Variants in ROBO1 observed in about 807,000 individuals in gnomAD.
ROBO1 encodes the protein roundabout guidance receptor 1.
A neutral mutation model predicts 195.9 loss-of-function variants in ROBO1; 149 were observed. The observed-to-expected ratio is 0.76, with a 90% CI of 0.67 to 0.87. The LOEUF is 0.87. ROBO1 is among the 40% of genes least tolerant of loss of function. ROBO1 has a pLI of 0.00. For synonymous variants in ROBO1, 816 were observed against 733.2 expected, an observed-to-expected ratio of 1.11 and a Z score of -1.82; for missense variants, 1,933 against 2,068.3, an observed-to-expected ratio of 0.93 and a Z score of 1.27.
At chr3:78,699,266 C>A (rs957050798) in intron 8 of ROBO1, among the ~76,000 whole-genome samples, 3 of 151,860 alleles carry the variant, frequency 2.0e-5, no homozygotes, top group Non-Finnish European at 4.4e-5. Context: ...AAAGGCTAGG[C>A]GCAGTGGCTC....
chr3:78,850,456 T>C (rs2033982271), intron 4 of ROBO1, among the ~76,000 whole-genome samples: 1 of 152,176 alleles, frequency 6.6e-6, no homozygotes, highest in African/African-American at 2.4e-5. Context: ...ATAATGGTTA[T>C]AAACAAGAAA....
chr3:78,971,209 T>C (rs188849620), intron 3 of ROBO1, among the ~76,000 whole-genome samples: 21 of 152,124 alleles, frequency 1.4e-4, no homozygotes, highest in African/African-American at 3.9e-4. Context: ...CTGGCCAACA[T>C]TGTGAAACCT....
Position 78,598,781 on chromosome 3 carries a change from TAAG to T in ROBO1, c.*129_*131del. 4 of 546,186 alleles carry T rather than the reference TAAG, an allele frequency of 7.3e-6. No homozygotes were observed. In the Admixed American group the frequency reaches 1.1e-4, roughly 16 times the overall value. The allele number at this position is 546,186 out of a possible 1,614,324, so 33.8% of individuals were successfully genotyped here. A position where few individuals can be genotyped will look rare whatever the true frequency, so the allele number is the denominator to read the frequency against. On this transcript the variant is annotated 3_prime_UTR_variant, in exon 31 of 31. Transcript: ENST00000464233. Reference sequence around the variant, plus strand: ...TAAAGTTTTTAAAATGATATCCCAATAAGAGGAATAAAAACGACAATTTGTACA... The same window carrying T: ...TAAAGTTTTTAAAATGATATCCCAATAGGAATAAAAACGACAATTTGTACA...
chr3:79,442,682 C>T (rs943185133), intron 2 of ROBO1, among the ~76,000 whole-genome samples: 3 of 152,020 alleles, frequency 2.0e-5, no homozygotes, highest in African/African-American at 7.3e-5. Flanking sequence ...TAAGGAGATA[C>T]AAAAGGACCA....
intron 3 of ROBO1, among the ~76,000 whole-genome samples, chr3:79,079,684 T>G (rs2079236512): frequency 6.6e-6 from 1 of 151,596 alleles, no homozygotes; most frequent in Non-Finnish European, 1.5e-5. Flanking sequence ...AAAATTTAAA[T>G]CAAACGACTA....
At chr3:78,675,876 G>A (rs957037666) in intron 10 of ROBO1, among the ~76,000 whole-genome samples, 92 of 152,226 alleles carry the variant, frequency 6.0e-4, no homozygotes, top group African/African-American at 2.1e-3. Flanking sequence ...GCCTCCTCAA[G>A]TGGGTCCCTG....
chr3:78,945,564 G>A (rs565311415), intron 3 of ROBO1, among the ~76,000 whole-genome samples: 1 of 152,066 alleles, frequency 6.6e-6, no homozygotes, highest in South Asian at 2.1e-4. Flanking sequence ...CCACAAAGAC[G>A]GGAAAAAAAC....
At chr3:79,114,912 A>C (rs1174449611) in intron 3 of ROBO1, among the ~76,000 whole-genome samples, 1 of 152,124 alleles carries the variant, frequency 6.6e-6, no homozygotes, top group Non-Finnish European at 1.5e-5. Flanking sequence ...CAGGAAATAT[A>C]ATTGTTCAGT....
chr3:78,660,759 T>C, intron 16 of ROBO1: 1 of 287,110 alleles, frequency 3.5e-6, no homozygotes, highest in Admixed American at 4.9e-5. Context: ...GAATTTTAGT[T>C]CTGAATAATT....
In ROBO1 at chr3:79,696,093, A is replaced by G. The variant is rs554611241; in HGVS notation, c.-51+71659T>C. On this transcript the variant is annotated intron_variant, in intron 1 of 30. Coordinates refer to ENST00000464233, the MANE Select transcript of ROBO1 (RefSeq NM_002941.4). The stretch of plus-strand genomic sequence containing the variant: ...GTTTTTTGTTCACTAAAATGTTAAT[A>G]CGTGAGTATATTTATGTTTGTGGGA... Among the ~76,000 whole-genome samples, 130 of 151,526 alleles carry G rather than the reference A, an allele frequency of 8.6e-4. 1 individual carries two copies. The highest frequency in any genetic ancestry group is 2.9e-3 in the African/African-American group (122 of 41,458).
rs1704968730 is a variant in ROBO1, at chr3:78,628,523, C to G, written c.3627-954G>C. ...TTCATGCCTTTCTCTTTTCTCTTAT[C>G]CCAGGGCGTATGTTTATCGATTATA... On this transcript the variant is annotated intron_variant, in intron 25 of 30. Coordinates refer to ENST00000464233, the MANE Select transcript of ROBO1 (RefSeq NM_002941.4). 2.0e-5 allele frequency among the ~76,000 whole-genome samples: 3 copies of G among 152,084 alleles called. No homozygotes were observed. In the South Asian group the frequency reaches 6.2e-4, roughly 32 times the overall value.
At chr3:79,562,042 C>G (rs1441625253) in intron 2 of ROBO1, among the ~76,000 whole-genome samples, 2 of 152,020 alleles carry the variant, frequency 1.3e-5, no homozygotes, top group Non-Finnish European at 2.9e-5. Flanking sequence ...AATTGTCACT[C>G]TAAAGTTTTA....
chr3:79,414,810 A>G (rs1460130842), intron 2 of ROBO1, among the ~76,000 whole-genome samples: 9 of 152,182 alleles, frequency 5.9e-5, no homozygotes, highest in South Asian at 2.1e-4. Context: ...TTTTTAACAT[A>G]AAGTACTGAA....
At chr3:79,178,732 G>C (rs2081295129) in intron 2 of ROBO1, among the ~76,000 whole-genome samples, 1 of 152,170 alleles carries the variant, frequency 6.6e-6, no homozygotes, top group African/African-American at 2.4e-5. Context: ...ACAATAGACA[G>C]ATCCCCAAAG....
At chr3:78,723,101 T>C (rs138322831) in intron 5 of ROBO1, among the ~76,000 whole-genome samples, 158 of 152,328 alleles carry the variant, frequency 1.0e-3, no homozygotes, top group Middle Eastern at 3.4e-3. Flanking sequence ...GAACCTCATA[T>C]ATGATGACGA....
intron 1 of ROBO1, among the ~76,000 whole-genome samples, chr3:79,724,128 A>T (rs1251486863): frequency 6.6e-6 from 1 of 152,168 alleles, no homozygotes; most frequent in Non-Finnish European, 1.5e-5. Context: ...CGCTGTGTCT[A>T]AGGCTTAATT....
At chr3:79,238,505 T>C (rs1467071615) in intron 2 of ROBO1, among the ~76,000 whole-genome samples, 1 of 152,218 alleles carries the variant, frequency 6.6e-6, no homozygotes, top group Non-Finnish European at 1.5e-5. Flanking sequence ...TATTCTACCA[T>C]GTGCTGCCTT....
At chr3:78,611,663 G>A (rs1703822237) in intron 28 of ROBO1, among the ~76,000 whole-genome samples, 1 of 152,178 alleles carries the variant, frequency 6.6e-6, no homozygotes, top group Non-Finnish European at 1.5e-5. Flanking sequence ...ACTGTTATGG[G>A]CTGAATTGTG....
chr3:79,629,479 G>C (rs1376302095), intron 1 of ROBO1, among the ~76,000 whole-genome samples: 1 of 151,928 alleles, frequency 6.6e-6, no homozygotes, highest in Non-Finnish European at 1.5e-5. Flanking sequence ...AAACCTCGGG[G>C]ATACAGAAAA....
Sources: allele counts gnomAD v4.1 joint callset (sites outside exome capture counted in the v4.1 genomes callset), GRCh38; gene constraint gnomAD v4.1.1; transcripts MANE v1.5; gene names NCBI Gene and HGNC (gene_info 2026-07-23, HGNC 2026-07-21).